The following DPF3 variants were observed in gnomAD, a reference collection of about 807,000 sequenced individuals.
DPF3 encodes zinc finger protein DPF3.
A neutral mutation model predicts 56.8 loss-of-function variants in DPF3; 18 were observed. That is an observed-to-expected ratio of 0.32 (90% CI 0.22 to 0.47). The LOEUF is 0.47. DPF3 is among the 20% of genes least tolerant of loss of function. The pLI is 1.00. For missense variants in DPF3, 403 were observed against 488.8 expected (o/e 0.82, Z 1.65); for synonymous variants, 188 against 180.2 (o/e 1.04, Z -0.35).
At chr14:72,704,419 T>C (rs1044806026) in intron 6 of DPF3, among the ~76,000 whole-genome samples, 1 of 152,174 alleles carries the variant, frequency 6.6e-6, no homozygotes, top group Non-Finnish European at 1.5e-5. Context: ...GCTAGCATCC[T>C]CTCTCTCAAT....
chr14:72,876,039 T>TGAA (rs111949272), intron 1 of DPF3, among the ~76,000 whole-genome samples: 15 of 151,908 alleles, frequency 9.9e-5, no homozygotes, highest in African/African-American at 2.2e-4. Context: ...TGGTTGTTGT[T>TGAA]GAAGAAGAAG....
intron 1 of DPF3, among the ~76,000 whole-genome samples, chr14:72,885,279 T>C (rs1258266399): frequency 1.3e-5 from 2 of 151,924 alleles, no homozygotes; most frequent in East Asian, 1.9e-4. Context: ...TTGAATTCTG[T>C]AATACTATTA....
intron 4 of DPF3, 79 bp from the exon 5 acceptor site, chr14:72,723,807 G>T: frequency 7.4e-7 from 1 of 1,346,906 alleles, no homozygotes; most frequent in Non-Finnish European, 1.0e-6. Flanking sequence ...TTTTAAGGGT[G>T]TTCTGATTTG....
intron 1 of DPF3, among the ~76,000 whole-genome samples, chr14:72,874,356 A>C (rs1886025771): frequency 1.3e-5 from 2 of 151,786 alleles, no homozygotes; most frequent in South Asian, 4.2e-4. Context: ...ATGCACACCT[A>C]TAGTCCCAGC....
rs543537302 is a variant in DPF3, at chr14:72,849,207, T to G, written c.32+44850A>C. Among the ~76,000 whole-genome samples the G allele has an allele frequency of 2.6e-4, 39 of 152,326 alleles. 1 individual carries two copies. The East Asian group carries it at 7.3e-3, about 29-fold the overall frequency. On this transcript the variant is annotated intron_variant, in intron 1 of 10. Transcript: ENST00000556509. ...ATATTCCCCACTATGGTTATAAGTT[T>G]CAAGGGCTGGACCACGTTTTGTGCT...
At chr14:72,750,291 C>T (rs543161700) in intron 3 of DPF3, among the ~76,000 whole-genome samples, 2 of 152,252 alleles carry the variant, frequency 1.3e-5, no homozygotes, top group African/African-American at 4.8e-5. Context: ...ACTGTCTAGA[C>T]TCCAATAAAA....
At chr14:72,753,605 G>C (rs1599410670) in intron 2 of DPF3, among the ~76,000 whole-genome samples, 1 of 152,134 alleles carries the variant, frequency 6.6e-6, no homozygotes, top group South Asian at 2.1e-4. Flanking sequence ...ATGCCAACGA[G>C]AGCCATTGCC....
At chr14:72,797,641 C>T (rs571879226) in intron 1 of DPF3, among the ~76,000 whole-genome samples, 102 of 152,296 alleles carry the variant, frequency 6.7e-4, no homozygotes, top group Admixed American at 2.5e-3. Flanking sequence ...ATGGGGTTGG[C>T]TGCTACCTAA....
At position 72,893,957 on chromosome 14, in the gene DPF3, C is replaced by A. The variant is rs555149840; in HGVS notation, c.32+100G>T. 9.6e-5 allele frequency: 136 copies of A among 1,419,680 alleles called. 2 individuals carry two copies. The South Asian group carries it at 1.6e-3, about 17-fold the overall frequency. The allele number at this position is 1,419,680 out of a possible 1,614,324, so 87.9% of individuals were successfully genotyped here. A position where few individuals can be genotyped will look rare whatever the true frequency, so the allele number is the denominator to read the frequency against. ...AGAAGCCCCGCCGCGGCTGGAGGCG[C>A]CTGCAAGCGCAATGCTCTGGCAGCG... On this transcript the variant is annotated intron_variant, in intron 1 of 10. Transcript: ENST00000556509.
intron 2 of DPF3, among the ~76,000 whole-genome samples, chr14:72,770,790 A>G (rs1276008517): frequency 6.6e-6 from 1 of 152,234 alleles, no homozygotes; most frequent in Non-Finnish European, 1.5e-5. Context: ...GAAAAATCAC[A>G]TTCCTGTAGC....
chr14:72,877,482 A>T (rs968542884), intron 1 of DPF3, among the ~76,000 whole-genome samples: 1 of 152,162 alleles, frequency 6.6e-6, no homozygotes, highest in Non-Finnish European at 1.5e-5. Context: ...CAGGAAAGGG[A>T]TGAGAACAAA....
At chr14:72,849,385 T>A (rs1884882886) in intron 1 of DPF3, among the ~76,000 whole-genome samples, 1 of 152,194 alleles carries the variant, frequency 6.6e-6, no homozygotes, top group Non-Finnish European at 1.5e-5. Context: ...AGCTCTCTTT[T>A]GCCCTCTCCT....
At chr14:72,742,298 C>A (rs541339468) in intron 3 of DPF3, 3 of 152,414 alleles carry the variant, frequency 2.0e-5, no homozygotes, top group East Asian at 3.9e-4. Context: ...CCCAGCCGTA[C>A]CAAGCTCAGG....
chr14:72,730,140 C>T (rs193204422), intron 4 of DPF3, among the ~76,000 whole-genome samples: 25 of 151,970 alleles, frequency 1.6e-4, no homozygotes, highest in South Asian at 2.1e-4. Context: ...AGAAGACAAC[C>T]GCAGCAGTTC....
intron 8 of DPF3, among the ~76,000 whole-genome samples, chr14:72,654,594 A>G (rs1886012995): frequency 6.6e-6 from 1 of 152,116 alleles, no homozygotes; most frequent in Admixed American, 6.5e-5. Context: ...GCCTTTGTCA[A>G]CTCAATCTCT....
rs767367575 is a variant in DPF3, at chr14:72,609,142, C to T, written c.*10155G>A. Among the ~76,000 whole-genome samples the T allele has an allele frequency of 7.2e-5, 11 of 152,196 alleles. No homozygotes were observed. The highest frequency in any genetic ancestry group is 7.2e-4 in the Admixed American group (11 of 15,278). On this transcript the variant is annotated 3_prime_UTR_variant, in exon 11 of 11. Transcript: ENST00000556509. ...CAATCACAGAACAAGATACTAACCA[C>T]AGCAAGGAAGGGGTAGGGGCTTGTG...
chr14:72,777,716 G>A (rs1263903847), intron 1 of DPF3, among the ~76,000 whole-genome samples: 2 of 152,104 alleles, frequency 1.3e-5, no homozygotes, highest in East Asian at 1.9e-4. Context: ...ATTTAAAAGT[G>A]TATGGTGCCT....
At chr14:72,699,653 A>G (rs924900658) in intron 6 of DPF3, among the ~76,000 whole-genome samples, 21 of 152,132 alleles carry the variant, frequency 1.4e-4, no homozygotes, top group Non-Finnish European at 2.8e-4. Context: ...GCCAACAGCT[A>G]TTGAGTGTTT....
chr14:72,778,244 GC>G (rs1444522187), intron 1 of DPF3, among the ~76,000 whole-genome samples: 1 of 152,178 alleles, frequency 6.6e-6, no homozygotes, highest in East Asian at 1.9e-4. Context: ...GAACTGGGTG[GC>G]ACAGCAGGAG....
Sources: allele counts gnomAD v4.1 joint callset (sites outside exome capture counted in the v4.1 genomes callset), GRCh38; gene constraint gnomAD v4.1.1; transcripts MANE v1.5; gene names NCBI Gene and HGNC (gene_info 2026-07-23, HGNC 2026-07-21).